The following ITGAL variants were observed in gnomAD, a reference collection of about 807,000 sequenced individuals.
The protein encoded by ITGAL is integrin alpha-L.
ITGAL carries 68 observed loss-of-function variants against 138.4 expected under a neutral mutation model. The observed-to-expected ratio is 0.49, with a 90% CI of 0.40 to 0.60. The LOEUF (loss-of-function observed/expected upper bound fraction) is 0.60, where lower values mean the gene tolerates loss of function less well. ITGAL is among the 20% of genes least tolerant of loss of function. ITGAL has a pLI of 0.00. For missense variants in ITGAL, 1,256 were observed against 1,478.6 expected (o/e 0.85, Z 2.47); for synonymous variants, 561 against 584.3 (o/e 0.96, Z 0.57).
chr16:30,498,528 C>T (rs942665522), intron 15 of ITGAL, among the ~76,000 whole-genome samples: 2 of 152,210 alleles, frequency 1.3e-5, no homozygotes, highest in Non-Finnish European at 2.9e-5. Flanking sequence ...AGTATGATTT[C>T]TCTTCCTAAG....
chr16:30,481,506 A>G lies in ITGAL; in HGVS notation c.644A>G (p.Lys215Arg). The G allele has an allele frequency of 6.2e-7, 1 of 1,613,416 alleles. No homozygotes were observed. The highest frequency in any genetic ancestry group is 8.5e-7 in the Non-Finnish European group (1 of 1,179,472). Residue 215 changes from lysine to arginine, a missense_variant, in exon 7 of 31, where the codon AAG (lysine) becomes AGG (arginine). Lys to Arg is a conservative substitution (Grantham distance 26, BLOSUM62 2). Coordinates refer to ENST00000356798, the MANE Select transcript of ITGAL (RefSeq NM_002209.3). Reference protein sequence around the residue: ...EFDFSDYVKRKDPDALLKHVK... With the variant: ...EFDFSDYVKRRDPDALLKHVK... ...GATTTCTCAGATTATGTTAAACGGA[A>G]GGACCCTGATGCTCTGCTGAAGCAT... is the stretch of plus-strand genomic sequence containing the variant.
rs1466835005 is a variant in ITGAL, at chr16:30,516,999, C to T, written c.2889C>T (p.Asp963=). The change falls in exon 26 of 31, where the codon GAC becomes GAT. Residue 963 remains aspartate (D), a synonymous_variant. Transcript: ENST00000356798. ...TGAGGATCCAGCCTTCCATCCACGACCACAACATACCCACCCTGGAGGCTG... is the reference window on the plus strand; with the variant it reads ...TGAGGATCCAGCCTTCCATCCACGATCACAACATACCCACCCTGGAGGCTG... ...YQVRIQPSIH[D]HNIPTLEAVV... is the part of the protein sequence containing the mutation. The T allele has an allele frequency of 6.2e-7, 1 of 1,613,662 alleles. No homozygotes were observed. The highest frequency in any genetic ancestry group is 1.3e-5 in the African/African-American group (1 of 74,914).
In ITGAL at chr16:30,499,226, A is replaced by T; in HGVS notation, c.1985A>T (p.Gln662Leu). The T allele has an allele frequency of 6.2e-7, 1 of 1,614,158 alleles. No homozygotes were observed. The change falls in exon 16 of 31, where the codon CAG (glutamine) becomes CTG (leucine). Residue 662 changes from glutamine (Q) to leucine (L), a missense_variant. Around this residue, in one of 3 missense-constraint regions of ITGAL, gnomAD observed 867 missense variants for 972.5 expected, o/e 0.89. Transcript: ENST00000356798. ...TTCCAGATCAAGTCTCTCATCCCCC[A>T]GTTCCAAGGTCAGAGCTCTCCTCCT... ...ICFQIKSLIPQFQGRLVANLT... is the reference protein window; with the variant it reads ...ICFQIKSLIPLFQGRLVANLT...
intron 21 of ITGAL, among the ~76,000 whole-genome samples, chr16:30,508,358 G>C (rs941588892): frequency 1.3e-5 from 2 of 151,722 alleles, no homozygotes; most frequent in African/African-American, 4.8e-5. Flanking sequence ...GGATACAGGC[G>C]CCTGCCACCA....
At chr16:30,500,747 G>A (rs757963481) in intron 17 of ITGAL, among the ~76,000 whole-genome samples, 3 of 152,082 alleles carry the variant, frequency 2.0e-5, no homozygotes, top group Non-Finnish European at 2.9e-5. Flanking sequence ...GGCCAAGCGC[G>A]GTGGCTCAGC....
chr16:30,517,676 G>A lies in ITGAL; in HGVS notation c.3004G>A (p.Asp1002Asn). ...GCCTCCCGTGCCCTGCCACTATGAG[G>A]ATCTGGAGAGGCTCCCGGATGCAGC... The part of the protein sequence containing the change: ...MEPPVPCHYE[D>N]LERLPDAAEP... The change falls in exon 27 of 31, where the codon GAT (aspartate) becomes AAT (asparagine). Residue 1002 changes from aspartate to asparagine, a missense_variant. Asp to Asn is a conservative substitution (Grantham distance 23). This residue lies in a region of ITGAL where 867 missense variants were observed against 972.5 expected (regional missense o/e 0.89). Transcript: ENST00000356798. 1 of 1,614,154 alleles carries A rather than the reference G, an allele frequency of 6.2e-7. No individual in the cohort carries two copies. The highest frequency in any genetic ancestry group is 8.5e-7 in the Non-Finnish European group (1 of 1,180,012).
chr16:30,486,304 G>T (rs1308779736), intron 9 of ITGAL, among the ~76,000 whole-genome samples: 3 of 151,898 alleles, frequency 2.0e-5, no homozygotes, highest in Non-Finnish European at 2.9e-5. Context: ...CAGCTACTTG[G>T]GAGGCTAAAG....
intron 28 of ITGAL, among the ~76,000 whole-genome samples, chr16:30,518,315 G>A (rs2051200799): frequency 2.0e-5 from 3 of 151,984 alleles, no homozygotes; most frequent in Admixed American, 2.0e-4. Context: ...CGGGCGTGGT[G>A]GCACATGCCT....
chr16:30,508,339 G>A (rs970667924), intron 21 of ITGAL, among the ~76,000 whole-genome samples: 13 of 149,708 alleles, frequency 8.7e-5, no homozygotes, highest in Admixed American at 1.3e-4. Flanking sequence ...TCAGCCTCCC[G>A]AGTAGCTGGG....
At chr16:30,472,942 C>A in intron 1 of ITGAL, 44 bp downstream of exon 1, 1 of 1,568,336 alleles carries the variant, frequency 6.4e-7, no homozygotes, top group South Asian at 1.1e-5. Context: ...TGTCTGTGAC[C>A]AGAGAAACTG....
Position 30,494,794 on chromosome 16 carries a change from C to G in ITGAL, c.1447C>G (p.Pro483Ala), listed in dbSNP as rs2050776939. The change falls in exon 13 of 31, where the codon CCA becomes GCA. Residue 483 changes from proline to alanine, a missense_variant. Pro to Ala is a conservative substitution (Grantham distance 27). Coordinates refer to ENST00000356798, the MANE Select transcript of ITGAL (RefSeq NM_002209.3). This position sits in a 1 kb window ranked among gnomAD's most constrained non-coding sequence, Gnocchi z 4.2. ...GACAGAGCTGCTGCTGATTGGTGCCCCACTGTTCTATGGGGAGCAGAGAGG... is the reference window on the plus strand; with the variant it reads ...GACAGAGCTGCTGCTGATTGGTGCCGCACTGTTCTATGGGGAGCAGAGAGG... ...GETELLLIGAPLFYGEQRGGR... is the reference protein window; with the variant it reads ...GETELLLIGAALFYGEQRGGR... 6.2e-7 allele frequency: 1 copy of G among 1,612,966 alleles called. No homozygotes were observed. Among genetic ancestry groups the G allele is most frequent in the African/African-American group, 1.3e-5 (1 of 74,854 alleles).
chr16:30,502,214 G>A (rs1364290691), intron 17 of ITGAL, among the ~76,000 whole-genome samples: 9 of 150,582 alleles, frequency 6.0e-5, no homozygotes, highest in Non-Finnish European at 1.0e-4. Context: ...TGGCTAACAC[G>A]GTGAAACCCC....
chr16:30,513,515 C>T (rs529798699), intron 24 of ITGAL, among the ~76,000 whole-genome samples: 53 of 152,096 alleles, frequency 3.5e-4, no homozygotes, highest in South Asian at 6.2e-4. Context: ...TGAGGTGGCG[C>T]GCAGTGGGGA....
rs1219964838 is a variant in ITGAL at position 30,505,462 on chromosome 16, G to C, written c.2366G>C (p.Arg789Thr). 6.2e-7 allele frequency: 1 copy of C among 1,612,464 alleles called. No homozygotes were observed. Among genetic ancestry groups the C allele is most frequent in the Non-Finnish European group, 8.5e-7 (1 of 1,179,028 alleles). ...ANLRVSFSPARSRALRLTAFA... is the reference protein window; with the variant it reads ...ANLRVSFSPATSRALRLTAFA... ...TTGAGAGTGTCCTTCTCTCCTGCAA[G>C]GTCAGTAAGGCCTCCCACCCTCCAG... Residue 789 changes from arginine to threonine, a missense_variant and splice_region_variant, in exon 20 of 31, where the codon AGA becomes ACA. This residue lies in a region of ITGAL where 867 missense variants were observed against 972.5 expected (regional missense o/e 0.89). Transcript: ENST00000356798.
intron 6 of ITGAL, 22 bp from the exon 7 acceptor site, chr16:30,481,417 C>T: frequency 6.6e-7 from 1 of 1,519,604 alleles, no homozygotes; most frequent in Non-Finnish European, 9.0e-7. Flanking sequence ...AACTGAATGT[C>T]ATTTCTTCCT....
intron 1 of ITGAL, 168 bp from the exon 2 acceptor site, chr16:30,474,028 C>T (rs776406433): frequency 4.3e-6 from 3 of 697,940 alleles, no homozygotes; most frequent in Non-Finnish European, 7.8e-6. Flanking sequence ...CTAGGGGGGC[C>T]GGGAGTTGCT....
chr16:30,518,718 A>C lies in ITGAL; in HGVS notation c.3227A>C (p.Gln1076Pro), dbSNP rs79429657. ...TATGGCAGCAACGCCTCCCTGGCCC[A>C]GGTATCTCCACCTCCTTGGAAGCCC... The part of the protein sequence containing the change: ...HLYGSNASLA[Q>P]VVMKVDVVYE... The change falls in exon 29 of 31, where the codon CAG (glutamine) becomes CCG (proline). Residue 1076 changes from glutamine (Q) to proline (P), a missense_variant and splice_region_variant. By Grantham distance (76) the Gln-to-Pro change is moderately conservative. Coordinates refer to ENST00000356798, the MANE Select transcript of ITGAL (RefSeq NM_002209.3). 1 of 1,608,594 alleles carries C rather than the reference A, an allele frequency of 6.2e-7. No individual in the cohort carries two copies. Among genetic ancestry groups the C allele is most frequent in the Non-Finnish European group, 8.5e-7 (1 of 1,175,112 alleles).
At chr16:30,475,259 G>A in intron 2 of ITGAL, 47 bp from the exon 3 acceptor site, 1 of 1,343,286 alleles carries the variant, frequency 7.4e-7, no homozygotes, top group Non-Finnish European at 1.1e-6. Context: ...GGAGTAGATG[G>A]GTACAGATCT....
intron 17 of ITGAL, among the ~76,000 whole-genome samples, chr16:30,499,715 A>G (rs187374384): frequency 0.013 from 1,355 of 103,306 alleles, 95 homozygotes; most frequent in African/African-American, 0.055. Flanking sequence ...ATATATATGT[A>G]TATATATATA....
Sources: allele counts gnomAD v4.1 joint callset (sites outside exome capture counted in the v4.1 genomes callset), GRCh38; gene constraint gnomAD v4.1.1; regional missense constraint gnomAD v4.1.1; non-coding constraint Gnocchi (gnomAD v3.1); transcripts MANE v1.5; gene names NCBI Gene and HGNC (gene_info 2026-07-23, HGNC 2026-07-21).